ABCB5: variants seen among roughly 807,000 people sequenced by gnomAD.
ABCB5 encodes ATP binding cassette subfamily B member 5.
ABCB5 carries 155 observed loss-of-function variants against 144.2 expected under a neutral mutation model. The ratio of observed to expected loss-of-function variants is 1.08; its 90% CI spans 0.94 to 1.23. The LOEUF is 1.23. Ranked by LOEUF, ABCB5 falls within the 50% of genes most tolerant of loss-of-function variation. The pLI is 0.00. For missense variants in ABCB5, 1,830 were observed against 1,520.8 expected (o/e 1.20, Z -3.38); for synonymous variants, 610 against 528.6 (o/e 1.15, Z -2.11).
intron 21 of ABCB5, among the ~76,000 whole-genome samples, chr7:20,724,124 C>T (rs139047269): frequency 4.9e-4 from 75 of 152,300 alleles, no homozygotes; most frequent in African/African-American, 1.6e-3. Flanking sequence ...TAGTACATTA[C>T]TTTCCCAGGC....
Position 20,712,158 on chromosome 7 carries a change from CAAAAAAA to C in ABCB5, c.2421+7369_2421+7375del, listed in dbSNP as rs34938819. Among the ~76,000 whole-genome samples the C allele has an allele frequency of 1.3e-4, 7 of 52,646 alleles. 1 individual carries two copies. Among genetic ancestry groups the C allele is most frequent in the East Asian group, 6.9e-4 (1 of 1,442 alleles). The allele number at this position is 52,646 out of a possible 152,430, so 34.5% of individuals were successfully genotyped here. A position where few individuals can be genotyped will look rare whatever the true frequency, so the allele number is the denominator to read the frequency against. ...CCTGGGTGACACAGCAAGACGCCGT[CAAAAAAA>C]AAAAAAAAAAAAAAAAAGATATTGA... On this transcript the variant is annotated intron_variant, in intron 20 of 27. Coordinates refer to ENST00000404938, the MANE Select transcript of ABCB5 (RefSeq NM_001163941.2).
chr7:20,715,960 T>A (rs1365111539), intron 20 of ABCB5, among the ~76,000 whole-genome samples: 4 of 151,614 alleles, frequency 2.6e-5, no homozygotes, highest in Non-Finnish European at 5.9e-5. Flanking sequence ...CCTCTGGTGA[T>A]CCTCCCACCT....
chr7:20,618,764 C>CTTTTTTTTTTTTTTT lies in ABCB5; in HGVS notation c.-22+2941_-22+2955dup, dbSNP rs59970398. Among the ~76,000 whole-genome samples the CTTTTTTTTTTTTTTT allele has an allele frequency of 1.6e-4, 8 of 51,544 alleles. 2 individuals carry two copies. The highest frequency in any genetic ancestry group is 2.1e-4 in the Non-Finnish European group (6 of 28,776). 33.8% of individuals were successfully genotyped at this position (51,544 alleles called of 152,430 possible). On this transcript the variant is annotated intron_variant, in intron 1 of 27. Transcript: ENST00000404938. ...TCATGGCATATATGTGCTGCATTTTCTTTTTTTTTTTTTTTTTTTTTTTTT... is the reference window on the plus strand; with the variant it reads ...TCATGGCATATATGTGCTGCATTTTCTTTTTTTTTTTTTTTTTTTTTTTTTTTTTTTTTTTTTTTT...
At chr7:20,722,872 T>C in intron 20 of ABCB5, 144 bp from the exon 21 acceptor site, 8 of 605,446 alleles carry the variant, frequency 1.3e-5, no homozygotes, top group Non-Finnish European at 2.2e-5. Flanking sequence ...TCTTATTTAA[T>C]CTCAAAGTAT....
intron 25 of ABCB5, among the ~76,000 whole-genome samples, chr7:20,744,827 C>T (rs941163794): frequency 6.6e-6 from 1 of 151,800 alleles, no homozygotes; most frequent in Non-Finnish European, 1.5e-5. Flanking sequence ...CTCTTATTGA[C>T]CACTATTTCC....
rs1218419405 is a variant in ABCB5 at position 20,756,582 on chromosome 7, G to T, written c.*958G>T. On this transcript the variant is annotated 3_prime_UTR_variant, in exon 28 of 28. Transcript: ENST00000404938. ...CATTTGAACCTAGGAGGCAGAGGTT[G>T]CAGTGAGCCGAGATCTCACCACTGC... The T allele has an allele frequency of 6.6e-6, 1 of 152,096 alleles. No homozygotes were observed. The highest frequency in any genetic ancestry group is 1.5e-5 in the Non-Finnish European group (1 of 68,028). The allele number at this position is 152,096 out of a possible 1,614,324, so 9.4% of individuals were successfully genotyped here. A position where few individuals can be genotyped will look rare whatever the true frequency, so the allele number is the denominator to read the frequency against.
chr7:20,728,364 C>CATTTAT lies in ABCB5; in HGVS notation c.2778_2779insTTATAT (p.His926_Ala927insLeuTyr), dbSNP rs1187958781. On this transcript the variant is annotated inframe_insertion, in exon 23 of 28. Transcript: ENST00000404938. Reference sequence around the variant, plus strand: ...TATTGGAAGCTGTTATGCATTCAGCCATGCCTTTATATATTTTGCCTATGC... The same window carrying CATTTAT: ...TATTGGAAGCTGTTATGCATTCAGCCATTTATATGCCTTTATATATTTTGCCTATGC... 2.2e-5 allele frequency: 36 copies of CATTTAT among 1,614,138 alleles called. No individual in the cohort carries two copies. The highest frequency in any genetic ancestry group is 2.8e-5 in the Non-Finnish European group (33 of 1,179,996).
chr7:20,722,751 G>A (rs1193597914), intron 20 of ABCB5, among the ~76,000 whole-genome samples: 1 of 152,066 alleles, frequency 6.6e-6, no homozygotes, highest in Non-Finnish European at 1.5e-5. Context: ...GAACCCAGGA[G>A]TCGGAGGTTG....
rs187726001 is a variant in ABCB5 at position 20,672,516 on chromosome 7, C to T, written c.1708-8989C>T. ...GCAAACCACCATGGCACACATTTAT[C>T]TATGTAACAAACCTTCCAGTTCTGA... On this transcript the variant is annotated intron_variant, in intron 14 of 27. Transcript: ENST00000404938. Among the ~76,000 whole-genome samples, 17 of 152,114 alleles carry T rather than the reference C, an allele frequency of 1.1e-4. No homozygotes were observed. The East Asian group carries it at 3.1e-3, about 28-fold the overall frequency.
At chr7:20,677,926 G>A (rs1302942160) in intron 14 of ABCB5, among the ~76,000 whole-genome samples, 3 of 152,118 alleles carry the variant, frequency 2.0e-5, no homozygotes, top group Non-Finnish European at 2.9e-5. Context: ...AAATGAAAAT[G>A]TAGAGCCTCT....
intron 7 of ABCB5, among the ~76,000 whole-genome samples, chr7:20,644,966 G>A (rs957262570): frequency 1.3e-5 from 2 of 152,212 alleles, no homozygotes; most frequent in African/African-American, 4.8e-5. Context: ...CCTGCAGTAA[G>A]TTAGTAAGAT....
At chr7:20,623,243 A>G (rs906278830) in intron 1 of ABCB5, 22 bp from the exon 2 acceptor site, 2 of 1,349,796 alleles carry the variant, frequency 1.5e-6, no homozygotes, top group Non-Finnish European at 2.1e-6. Context: ...GCCATAATAC[A>G]TTTGTTAAAA....
At chr7:20,666,834 T>A in intron 14 of ABCB5, 1 of 1,537,864 alleles carries the variant, frequency 6.5e-7, no homozygotes, top group South Asian at 1.3e-5. Context: ...CACAGTGGTA[T>A]GAATTGCACT....
At position 20,647,967 on chromosome 7, in the gene ABCB5, G is replaced by C. The variant is rs1299962525; in HGVS notation, c.1096-1G>C. On this transcript the variant is annotated splice_acceptor_variant, in intron 10 of 27. Transcript: ENST00000404938. LOFTEE classifies it high-confidence loss of function. ...TATAACATTTCCTTTGTTTTTCCAA[G>C]AAACCCAGTATAGATAACTTTTCCA... 3 of 1,565,576 alleles carry C rather than the reference G, an allele frequency of 1.9e-6. No individual in the cohort carries two copies. Among genetic ancestry groups the C allele is most frequent in the African/African-American group, 2.7e-5 (2 of 73,890 alleles).
Position 20,635,020 on chromosome 7 carries a change from A to G in ABCB5, c.314+2907A>G, listed in dbSNP as rs372190713. Among the ~76,000 whole-genome samples, 14 of 152,148 alleles carry G rather than the reference A, an allele frequency of 9.2e-5. No individual in the cohort carries two copies. The East Asian group carries it at 1.4e-3, about 15-fold the overall frequency. The stretch of plus-strand genomic sequence containing the variant: ...AGTTTGTCCTAAGTTTTCTTCTAGT[A>G]TTCTTATCACTTCAGGTGTTAAATT... On this transcript the variant is annotated intron_variant, in intron 5 of 27. Coordinates refer to ENST00000404938, the MANE Select transcript of ABCB5 (RefSeq NM_001163941.2).
chr7:20,645,714 TAC>T (rs777882501), intron 7 of ABCB5, 40 bp from the exon 8 acceptor site: 2 of 1,609,940 alleles, frequency 1.2e-6, no homozygotes, highest in Non-Finnish European at 1.7e-6. Flanking sequence ...ACATTATTAC[TAC>T]ACAGAGTCAT....
intron 21 of ABCB5, among the ~76,000 whole-genome samples, chr7:20,725,899 G>C (rs774729548): frequency 6.6e-6 from 1 of 152,126 alleles, no homozygotes; most frequent in Non-Finnish European, 1.5e-5. Context: ...ATTGGGAGCA[G>C]AATCCTGGTG....
chr7:20,626,754 G>A (rs573729414), intron 3 of ABCB5, 143 bp downstream of exon 3: 7 of 715,104 alleles, frequency 9.8e-6, no homozygotes, highest in South Asian at 3.2e-5. Flanking sequence ...TATGATTTTC[G>A]ATAGAAAAAA....
intron 9 of ABCB5, among the ~76,000 whole-genome samples, chr7:20,647,059 C>T (rs1784428068): frequency 6.6e-6 from 1 of 152,150 alleles, no homozygotes. Flanking sequence ...TTAAAATGGA[C>T]AGCTGTCCCC....
Sources: gnomAD v4.1 joint callset for allele counts (sites outside exome capture counted in the v4.1 genomes callset) on GRCh38, gnomAD v4.1.1 for gene constraint, MANE v1.5 for transcripts, NCBI Gene and HGNC (gene_info 2026-07-23, HGNC 2026-07-21) for gene names.